USH2A: variants seen among roughly 807,000 people sequenced by gnomAD.
The protein encoded by USH2A is Usher syndrome 2A (autosomal recessive, mild).
In USH2A, 443 loss-of-function variants were observed where a neutral mutation model predicts 538.9. The observed-to-expected ratio is 0.82, with a 90% confidence interval of 0.76 to 0.89. USH2A has a LOEUF of 0.89. Ranked by LOEUF, USH2A falls within the 40% of genes least tolerant of loss-of-function variation. USH2A has a pLI of 0.00. For synonymous variants in USH2A, 2,413 were observed against 2,273.5 expected, an observed-to-expected ratio of 1.06 and a Z score of -1.75; for missense variants, 6,633 against 6,324.8, an observed-to-expected ratio of 1.05 and a Z score of -1.65.
chr1:216,117,213 T>C (rs1456721988), intron 21 of USH2A, among the ~76,000 whole-genome samples: 1 of 152,148 alleles, frequency 6.6e-6, no homozygotes, highest in Non-Finnish European at 1.5e-5. Flanking sequence ...AATGAACTAG[T>C]GTCCTCCTTC....
intron 38 of USH2A, among the ~76,000 whole-genome samples, chr1:215,919,424 A>G (rs148621093): frequency 0.011 from 1,666 of 152,214 alleles, 19 homozygotes; most frequent in Middle Eastern, 0.044. Context: ...AACAAAGTAA[A>G]GCAGACTCTG....
intron 11 of USH2A, among the ~76,000 whole-genome samples, chr1:216,257,933 T>C (rs1489986581): frequency 6.6e-6 from 1 of 152,090 alleles, no homozygotes; most frequent in Non-Finnish European, 1.5e-5. Context: ...TCCATATTTT[T>C]ATGTAGCTTT....
At chr1:216,096,816 T>C (rs1418332699) in intron 22 of USH2A, among the ~76,000 whole-genome samples, 1 of 152,208 alleles carries the variant, frequency 6.6e-6, no homozygotes, top group African/African-American at 2.4e-5. Context: ...AGTTTTAATC[T>C]TCATTATAAG....
At chr1:216,175,733 A>G (rs1289344755) in intron 20 of USH2A, among the ~76,000 whole-genome samples, 1 of 152,174 alleles carries the variant, frequency 6.6e-6, no homozygotes, top group Non-Finnish European at 1.5e-5. Flanking sequence ...CTTGAAAATA[A>G]CTTCTCTATT....
At chr1:215,977,415 G>A (rs2102463821) in intron 35 of USH2A, among the ~76,000 whole-genome samples, 1 of 152,206 alleles carries the variant, frequency 6.6e-6, no homozygotes, top group Admixed American at 6.5e-5. Flanking sequence ...TTTGATTTAT[G>A]AGTAGCTCTG....
At chr1:216,219,966 A>G (rs569303791) in intron 14 of USH2A, among the ~76,000 whole-genome samples, 7 of 152,276 alleles carry the variant, frequency 4.6e-5, no homozygotes, top group African/African-American at 1.4e-4. Context: ...ACAATGGGAA[A>G]GAAGTTGGCC....
rs375647439 is a variant in USH2A, at chr1:215,813,078, C to A, written c.9739+658G>T. 7.9e-5 allele frequency among the ~76,000 whole-genome samples: 12 copies of A among 152,204 alleles called. No homozygotes were observed. In the East Asian group the frequency reaches 1.5e-3, roughly 20 times the overall value. On this transcript the variant is annotated intron_variant, in intron 49 of 71. Coordinates refer to ENST00000307340, the MANE Select transcript of USH2A (RefSeq NM_206933.4). ...TGTAAAGTCTTCAATACAGAGCCTGCGAGAGACTTGGTACTTTAAAAATGG... is the reference window on the plus strand; with the variant it reads ...TGTAAAGTCTTCAATACAGAGCCTGAGAGAGACTTGGTACTTTAAAAATGG...
intron 58 of USH2A, among the ~76,000 whole-genome samples, chr1:215,755,368 T>C (rs1183697292): frequency 6.6e-6 from 1 of 152,190 alleles, no homozygotes; most frequent in Non-Finnish European, 1.5e-5. Context: ...GAAAACTCTT[T>C]ATATTGTGAG....
intron 19 of USH2A, among the ~76,000 whole-genome samples, chr1:216,196,226 T>A (rs2034838944): frequency 6.6e-6 from 1 of 152,146 alleles, no homozygotes; most frequent in Non-Finnish European, 1.5e-5. Flanking sequence ...ACTGGTTAAA[T>A]AATTATTGTG....
At chr1:215,879,133 G>T (rs142611120) in intron 41 of USH2A, 35 bp from the exon 42 acceptor site, 1 of 1,574,518 alleles carries the variant, frequency 6.4e-7, no homozygotes, top group Admixed American at 1.7e-5. Context: ...TCAGTGTGAC[G>T]ATACAGGAAT....
intron 3 of USH2A, among the ~76,000 whole-genome samples, chr1:216,418,054 C>A (rs1214846891): frequency 6.6e-6 from 1 of 152,038 alleles, no homozygotes; most frequent in African/African-American, 2.4e-5. Flanking sequence ...GTGTAAAGTT[C>A]ATTAGTTCTA....
intron 11 of USH2A, among the ~76,000 whole-genome samples, chr1:216,268,805 A>G (rs1013308639): frequency 2.0e-5 from 3 of 152,036 alleles, no homozygotes; most frequent in Non-Finnish European, 4.4e-5. Flanking sequence ...CATCTCCTTC[A>G]GGTCTCAAGT....
intron 40 of USH2A, among the ~76,000 whole-genome samples, chr1:215,890,572 A>T (rs1028206311): frequency 1.3e-5 from 2 of 152,150 alleles, no homozygotes; most frequent in South Asian, 4.1e-4. Context: ...CCTAAAAAAA[A>T]CCCTAAAACC....
intron 11 of USH2A, among the ~76,000 whole-genome samples, chr1:216,262,941 G>A (rs574167859): frequency 1.3e-5 from 2 of 152,160 alleles, no homozygotes; most frequent in South Asian, 4.1e-4. Flanking sequence ...AATGAAAAAG[G>A]AGACACTACA....
At chr1:216,373,542 T>C (rs1182946943) in intron 3 of USH2A, among the ~76,000 whole-genome samples, 2 of 152,290 alleles carry the variant, frequency 1.3e-5, no homozygotes, top group African/African-American at 2.4e-5. Context: ...TTCTGACCCA[T>C]TTGAGATTAA....
chr1:216,031,299 TTAG>T (rs1558221440), intron 32 of USH2A, among the ~76,000 whole-genome samples: 2 of 152,128 alleles, frequency 1.3e-5, no homozygotes, highest in Non-Finnish European at 2.9e-5. Context: ...GGTTGTAGGC[TTAG>T]TATCTACAGC....
chr1:215,973,003 T>C (rs1363784403), intron 35 of USH2A, among the ~76,000 whole-genome samples: 3 of 152,170 alleles, frequency 2.0e-5, no homozygotes, highest in Non-Finnish European at 4.4e-5. Context: ...GGAAAAAAGA[T>C]ATGATCAGGT....
chr1:216,401,742 A>G (rs1301643321), intron 3 of USH2A, among the ~76,000 whole-genome samples: 1 of 152,126 alleles, frequency 6.6e-6, no homozygotes, highest in Admixed American at 6.5e-5. Flanking sequence ...TCTCCACTAG[A>G]AAGACCTAAT....
At chr1:215,750,085 A>C (rs1433939626) in intron 58 of USH2A, among the ~76,000 whole-genome samples, 1 of 152,204 alleles carries the variant, frequency 6.6e-6, no homozygotes, top group Non-Finnish European at 1.5e-5. Flanking sequence ...CTGGAACAGG[A>C]AAAATTCTAA....
Sources: allele counts gnomAD v4.1 joint callset (sites outside exome capture counted in the v4.1 genomes callset), GRCh38; gene constraint gnomAD v4.1.1; transcripts MANE v1.5; gene names NCBI Gene and HGNC (gene_info 2026-07-23, HGNC 2026-07-21).